Variants in CHRM3 observed in about 807,000 individuals in gnomAD.
CHRM3 encodes the protein muscarinic acetylcholine receptor M3.
Under a neutral mutation model 41.8 loss-of-function variants are expected in CHRM3, and 11 were observed. That is an observed-to-expected ratio of 0.26 (90% CI 0.17 to 0.44). CHRM3 has a LOEUF of 0.44. CHRM3 is among the 20% of genes least tolerant of loss of function. The pLI is 1.00. For synonymous variants in CHRM3, 297 were observed against 301.4 expected (o/e 0.99, Z 0.15); for missense variants, 571 against 745.4 (o/e 0.77, Z 2.72).
chr1:239,447,285 A>G (rs1474643421), intron 1 of CHRM3, among the ~76,000 whole-genome samples: 1 of 152,176 alleles, frequency 6.6e-6, no homozygotes, highest in Non-Finnish European at 1.5e-5. Flanking sequence ...ATTATTTTAG[A>G]AAAACATCAT....
At chr1:239,412,879 G>A (rs1343105491) in intron 1 of CHRM3, among the ~76,000 whole-genome samples, 1 of 151,922 alleles carries the variant, frequency 6.6e-6, no homozygotes, top group Non-Finnish European at 1.5e-5. Flanking sequence ...AAGAGATGGA[G>A]ACCAGCCTGG....
At chr1:239,660,908 G>A (rs1673138712) in intron 4 of CHRM3, among the ~76,000 whole-genome samples, 1 of 152,128 alleles carries the variant, frequency 6.6e-6, no homozygotes. Flanking sequence ...ATTAATATTT[G>A]TTGAAGACTT....
chr1:239,847,341 T>C (rs1674350927), intron 6 of CHRM3, among the ~76,000 whole-genome samples: 1 of 152,216 alleles, frequency 6.6e-6, no homozygotes, highest in Non-Finnish European at 1.5e-5. Context: ...GGATATTTTA[T>C]AGGCCATAAG....
chr1:239,610,977 G>A (rs1025154605), intron 3 of CHRM3, among the ~76,000 whole-genome samples: 1 of 152,112 alleles, frequency 6.6e-6, no homozygotes, highest in South Asian at 2.1e-4. Flanking sequence ...GCTTGAACCG[G>A]GAGGTAGAGG....
intron 1 of CHRM3, among the ~76,000 whole-genome samples, chr1:239,399,168 G>A (rs925793361): frequency 2.0e-5 from 3 of 152,018 alleles, no homozygotes; most frequent in Non-Finnish European, 4.4e-5. Flanking sequence ...GAATTATAAG[G>A]CTTCAGATTT....
At chr1:239,792,620 TC>T (rs1669442807) in intron 5 of CHRM3, among the ~76,000 whole-genome samples, 1 of 152,248 alleles carries the variant, frequency 6.6e-6, no homozygotes, top group Admixed American at 6.5e-5. Context: ...AATTCTTTGT[TC>T]TTCTCATTTA....
intron 3 of CHRM3, among the ~76,000 whole-genome samples, chr1:239,576,586 A>ACACACG (rs1255196179): frequency 2.6e-4 from 26 of 101,640 alleles, no homozygotes; most frequent in Non-Finnish European, 3.4e-4. Flanking sequence ...ACACACACAC[A>ACACACG]CACACACGCA....
intron 4 of CHRM3, among the ~76,000 whole-genome samples, chr1:239,649,189 G>A (rs1672018420): frequency 6.6e-6 from 1 of 152,000 alleles, no homozygotes; most frequent in African/African-American, 2.4e-5. Context: ...AGGGCCTTTG[G>A]GAGGTTACAA....
At chr1:239,400,878 T>A (rs2102976621) in intron 1 of CHRM3, among the ~76,000 whole-genome samples, 1 of 152,338 alleles carries the variant, frequency 6.6e-6, no homozygotes, top group East Asian at 1.9e-4. Context: ...ATTATCTTTT[T>A]TATATATACA....
chr1:239,428,550 T>C (rs979331357), intron 1 of CHRM3, among the ~76,000 whole-genome samples: 2 of 152,240 alleles, frequency 1.3e-5, no homozygotes, highest in African/African-American at 4.8e-5. Context: ...ATTCCATACA[T>C]GTTTGTTGAA....
chr1:239,699,287 G>A (rs1205972510), intron 5 of CHRM3, among the ~76,000 whole-genome samples: 1 of 152,090 alleles, frequency 6.6e-6, no homozygotes, highest in African/African-American at 2.4e-5. Flanking sequence ...GGTATTTGGA[G>A]AGGGGAGTTT....
intron 5 of CHRM3, among the ~76,000 whole-genome samples, chr1:239,712,498 T>C (rs1373341874): frequency 1.3e-5 from 2 of 152,202 alleles, no homozygotes; most frequent in Non-Finnish European, 2.9e-5. Context: ...AAGTATGTAG[T>C]TGGAATGAAT....
At chr1:239,410,069 A>G (rs1000548107) in intron 1 of CHRM3, among the ~76,000 whole-genome samples, 2 of 152,220 alleles carry the variant, frequency 1.3e-5, no homozygotes, top group Non-Finnish European at 2.9e-5. Context: ...AAAGTTATCT[A>G]GTGTTCTTTC....
At chr1:239,662,904 C>CTTCTTCTTCTTCTTCTTCTTT (rs1305800995) in intron 4 of CHRM3, among the ~76,000 whole-genome samples, 2 of 143,154 alleles carry the variant, frequency 1.4e-5, no homozygotes, top group African/African-American at 2.6e-5. Context: ...TCTTCTTCTT[C>CTTCTTCTTCTTCTTCTTCTTT]TTCTTCTTCT....
chr1:239,609,796 T>A (rs1475219606), intron 3 of CHRM3, among the ~76,000 whole-genome samples: 1 of 152,198 alleles, frequency 6.6e-6, no homozygotes, highest in Non-Finnish European at 1.5e-5. Flanking sequence ...TTTATTGAAG[T>A]GGCTGTTGAA....
intron 1 of CHRM3, among the ~76,000 whole-genome samples, chr1:239,478,405 T>A (rs1666604745): frequency 6.6e-6 from 1 of 152,082 alleles, no homozygotes; most frequent in Non-Finnish European, 1.5e-5. Flanking sequence ...ACTTTGATCA[T>A]CTAAAAAGGA....
intron 6 of CHRM3, among the ~76,000 whole-genome samples, chr1:239,865,306 C>T (rs960338586): frequency 6.6e-6 from 1 of 152,204 alleles, no homozygotes; most frequent in Non-Finnish European, 1.5e-5. Flanking sequence ...CATGTATATG[C>T]ATAAAAGGAA....
chr1:239,408,052 C>T (rs1660748191), intron 1 of CHRM3, among the ~76,000 whole-genome samples: 1 of 152,108 alleles, frequency 6.6e-6, no homozygotes, highest in Non-Finnish European at 1.5e-5. Flanking sequence ...CCCATAATCC[C>T]CATGTGTGGT....
chr1:239,595,947 C>T (rs1664726842), intron 3 of CHRM3, among the ~76,000 whole-genome samples: 1 of 152,122 alleles, frequency 6.6e-6, no homozygotes, highest in South Asian at 2.1e-4. Context: ...TTGCCTAAAA[C>T]ATATAATGTC....
Sources: gnomAD v4.1 joint callset for allele counts (sites outside exome capture counted in the v4.1 genomes callset) on GRCh38, gnomAD v4.1.1 for gene constraint, MANE v1.5 for transcripts, NCBI Gene and HGNC (gene_info 2026-07-23, HGNC 2026-07-21) for gene names.